CDH23: variants seen among roughly 807,000 people sequenced by gnomAD.
CDH23 encodes the protein cadherin related 23.
In CDH23, 189 loss-of-function variants were observed where a neutral mutation model predicts 317.1. The observed-to-expected ratio is 0.60, with a 90% CI of 0.53 to 0.67. The LOEUF (loss-of-function observed/expected upper bound fraction) is 0.67, where lower values mean the gene tolerates loss of function less well. Ranked by LOEUF, CDH23 falls within the 30% of genes least tolerant of loss-of-function variation. The pLI is 0.00. For missense variants in CDH23, 4,401 were observed against 4,592.4 expected, an observed-to-expected ratio of 0.96 and a Z score of 1.20; for synonymous variants, 1,839 against 1,876.8, an observed-to-expected ratio of 0.98 and a Z score of 0.52.
intron 14 of CDH23, among the ~76,000 whole-genome samples, chr10:71,653,228 C>A (rs1461906727): frequency 6.6e-6 from 1 of 152,202 alleles, no homozygotes; most frequent in Non-Finnish European, 1.5e-5. Flanking sequence ...CTCTCCTTCC[C>A]CTCCCACCCA....
intron 6 of CDH23, among the ~76,000 whole-genome samples, chr10:71,555,386 A>C (rs2917945): frequency 2.0e-5 from 3 of 152,186 alleles, no homozygotes; most frequent in African/African-American, 7.2e-5. Context: ...TGGAAATAGC[A>C]TTCTTTATAA....
intron 3 of CDH23, among the ~76,000 whole-genome samples, chr10:71,453,808 G>T (rs1175039384): frequency 6.6e-6 from 1 of 152,258 alleles, no homozygotes; most frequent in Non-Finnish European, 1.5e-5. Flanking sequence ...TGGGGCTAAA[G>T]GGACGGGGAT....
chr10:71,565,474 G>A (rs1332801267), intron 6 of CDH23, among the ~76,000 whole-genome samples: 1 of 152,154 alleles, frequency 6.6e-6, no homozygotes, highest in Non-Finnish European at 1.5e-5. Flanking sequence ...AAGAGAGCCT[G>A]GAGATGCAAT....
chr10:71,809,868 G>A lies in CDH23; in HGVS notation c.8771G>A (p.Ser2924Asn), dbSNP rs1446093867. 2 of 1,613,404 alleles carry A rather than the reference G, an allele frequency of 1.2e-6. No homozygotes were observed. Among genetic ancestry groups the A allele is most frequent in the South Asian group, 2.2e-5 (2 of 91,086 alleles). ...ACCTTCGACCTCTTCATGGCCTACA[G>A]CCCCGGCTACTTCGTGGTGGACATT... Reference protein sequence around the residue: ...LRTFDLFMAYSPGYFVVDIVA... With the variant: ...LRTFDLFMAYNPGYFVVDIVA... The change falls in exon 61 of 70, where the codon AGC becomes AAC. Residue 2924 changes from serine (S) to asparagine (N), a missense_variant. This residue lies in a region of CDH23 where 1,144 missense variants were observed against 1,138.2 expected (regional missense o/e 1.01). Coordinates refer to ENST00000224721, the MANE Select transcript of CDH23 (RefSeq NM_022124.6).
chr10:71,626,723 G>A (rs1861753059), intron 11 of CDH23, among the ~76,000 whole-genome samples: 1 of 152,180 alleles, frequency 6.6e-6, no homozygotes, highest in East Asian at 1.9e-4. Context: ...GCATCCCGTG[G>A]GGCAGATGTA....
At chr10:71,777,331 T>C (rs1057209830) in intron 38 of CDH23, among the ~76,000 whole-genome samples, 2 of 152,056 alleles carry the variant, frequency 1.3e-5, no homozygotes, top group African/African-American at 4.8e-5. Flanking sequence ...ACTACCAGGG[T>C]TCATCCCATA....
At chr10:71,786,488 C>CTTTTTT (rs71018221) in intron 44 of CDH23, among the ~76,000 whole-genome samples, 27 of 105,376 alleles carry the variant, frequency 2.6e-4, no homozygotes, top group African/African-American at 6.0e-4. Flanking sequence ...GCTTCCTACT[C>CTTTTTT]TTTTTTTTTT....
At position 71,791,260 on chromosome 10, in the gene CDH23, C is replaced by A; in HGVS notation, c.6178C>A (p.Leu2060Met). The change falls in exon 47 of 70, where the codon CTG (leucine) becomes ATG (methionine). Residue 2060 changes from leucine to methionine, a missense_variant. Physicochemically the swap from Leu to Met is conservative, Grantham distance 15. This residue lies in a region of CDH23 where 3,068 missense variants were observed against 3,203.3 expected (regional missense o/e 0.96). Coordinates refer to ENST00000224721, the MANE Select transcript of CDH23 (RefSeq NM_022124.6). Reference sequence around the variant, plus strand: ...CACGGCCCACCTGCTCATCACCATCCTGGATGACAATGACAACCGGCCCAC... The same window carrying A: ...CACGGCCCACCTGCTCATCACCATCATGGATGACAATGACAACCGGCCCAC... ...NSTAHLLITI[L>M]DDNDNRPTFS... 1 of 1,613,978 alleles carries A rather than the reference C, an allele frequency of 6.2e-7. No individual in the cohort carries two copies. Among genetic ancestry groups the A allele is most frequent in the Non-Finnish European group, 8.5e-7 (1 of 1,179,882 alleles).
At chr10:71,548,246 G>A (rs1037933586) in intron 6 of CDH23, among the ~76,000 whole-genome samples, 3 of 152,210 alleles carry the variant, frequency 2.0e-5, no homozygotes, top group African/African-American at 7.2e-5. Flanking sequence ...GCAGTCATGC[G>A]GGGTGGAGAC....
intron 6 of CDH23, among the ~76,000 whole-genome samples, chr10:71,547,697 G>C (rs1423690002): frequency 6.6e-6 from 1 of 152,246 alleles, no homozygotes; most frequent in East Asian, 1.9e-4. Flanking sequence ...AGGCAGAATT[G>C]CAAGGAAGAG....
At chr10:71,655,623 G>A (rs1289486912) in intron 14 of CDH23, among the ~76,000 whole-genome samples, 3 of 151,982 alleles carry the variant, frequency 2.0e-5, no homozygotes, top group South Asian at 2.1e-4. Flanking sequence ...CCTTCCCCAC[G>A]CCACTGAAAA....
At position 71,791,267 on chromosome 10, in the gene CDH23, A is replaced by G. The variant is rs1169332221; in HGVS notation, c.6185A>G (p.Asp2062Gly). ...CACCTGCTCATCACCATCCTGGATG[A>G]CAATGACAACCGGCCCACCTTTAGC... ...TAHLLITILD[D>G]NDNRPTFSPA... The change falls in exon 47 of 70, where the codon GAC becomes GGC. Residue 2062 changes from aspartate (D) to glycine (G), a missense_variant. This residue lies in a region of CDH23 where 3,068 missense variants were observed against 3,203.3 expected (regional missense o/e 0.96). Transcript: ENST00000224721. 6.2e-7 allele frequency: 1 copy of G among 1,613,952 alleles called. No homozygotes were observed. Among genetic ancestry groups the G allele is most frequent in the Admixed American group, 1.7e-5 (1 of 60,006 alleles).
Position 71,811,570 on chromosome 10 carries a change from G to T in CDH23, c.9258G>T (p.Met3086Ile). The change falls in exon 64 of 70, where the codon ATG becomes ATT. Residue 3086 changes from methionine (M) to isoleucine (I), a missense_variant. Met to Ile is a conservative substitution (Grantham distance 10). Transcript: ENST00000224721. ...LFLAAMLFVL[M>I]NWYYRTVHKR... The stretch of plus-strand genomic sequence containing the variant: ...TGGCCGCCATGCTCTTTGTCCTCAT[G>T]AACTGGTACTACAGGACTGTGTGAG... The T allele has an allele frequency of 6.2e-7, 1 of 1,613,956 alleles. No homozygotes were observed. The highest frequency in any genetic ancestry group is 8.5e-7 in the Non-Finnish European group (1 of 1,179,888).
At chr10:71,656,636 T>A (rs1158927566) in intron 14 of CDH23, among the ~76,000 whole-genome samples, 1 of 152,038 alleles carries the variant, frequency 6.6e-6, no homozygotes, top group Non-Finnish European at 1.5e-5. Context: ...TGCATCGTTA[T>A]ATCAAGTGGT....
At chr10:71,668,720 C>T (rs763335120) in intron 14 of CDH23, among the ~76,000 whole-genome samples, 3 of 152,198 alleles carry the variant, frequency 2.0e-5, no homozygotes, top group Non-Finnish European at 4.4e-5. Flanking sequence ...TGCCCCTTCC[C>T]CTCGCTACAG....
chr10:71,542,347 T>C (rs578233170), intron 6 of CDH23, among the ~76,000 whole-genome samples: 4 of 152,318 alleles, frequency 2.6e-5, no homozygotes, highest in African/African-American at 9.6e-5. Context: ...GAGAGTGGGA[T>C]AGAGGACAAA....
intron 6 of CDH23, among the ~76,000 whole-genome samples, chr10:71,558,178 T>A (rs2132333869): frequency 6.6e-6 from 1 of 152,204 alleles, no homozygotes; most frequent in African/African-American, 2.4e-5. Context: ...TTTGTATTTT[T>A]AGTAGAGACA....
chr10:71,403,314 T>TCTTCCTTCCTTC lies in CDH23; in HGVS notation c.-6+6000_-6+6011dup, dbSNP rs201087939. On this transcript the variant is annotated intron_variant, in intron 1 of 69. Coordinates refer to ENST00000224721, the MANE Select transcript of CDH23 (RefSeq NM_022124.6). ...CATTTGCTTGCTTTCTCTTTCTCTT[T>TCTTCCTTCCTTC]CTTCCTTCCTTCCTTTCTTTCTTTC... 1.0e-3 allele frequency among the ~76,000 whole-genome samples: 105 copies of TCTTCCTTCCTTC among 102,794 alleles called. 6 individuals are homozygous for TCTTCCTTCCTTC. The highest frequency in any genetic ancestry group is 4.7e-3 in the African/African-American group (66 of 13,972). The allele number at this position is 102,794 out of a possible 152,430, so 67.4% of individuals were successfully genotyped here.
intron 16 of CDH23, among the ~76,000 whole-genome samples, chr10:71,678,927 G>A (rs1468752979): frequency 3.3e-5 from 5 of 152,288 alleles, no homozygotes; most frequent in Non-Finnish European, 4.4e-5. Flanking sequence ...CTAAGTGAGG[G>A]AGGCAGAAAT....
Sources: gnomAD v4.1 joint callset for allele counts (sites outside exome capture counted in the v4.1 genomes callset) on GRCh38, gnomAD v4.1.1 for gene constraint, gnomAD v4.1.1 regional missense constraint, MANE v1.5 for transcripts, NCBI Gene and HGNC (gene_info 2026-07-23, HGNC 2026-07-21) for gene names.